Variants in PLS3 observed in about 807,000 individuals in gnomAD.
PLS3 encodes plastin 3, also known as plastin-3.
Under a neutral mutation model 46.5 loss-of-function variants are expected in PLS3, and 11 were observed. The observed-to-expected ratio is 0.24, with a 90% CI of 0.15 to 0.39. The LOEUF is 0.39. PLS3 is among the 10% of genes least tolerant of loss of function. The probability of loss-of-function intolerance (pLI) is 1.00; values close to 1 mark genes in which losing one functional copy is unlikely to be tolerated. For missense variants in PLS3, 308 were observed against 461.8 expected, an observed-to-expected ratio of 0.67 and a Z score of 3.05; for synonymous variants, 167 against 162.2, an observed-to-expected ratio of 1.03 and a Z score of -0.22.
chrX:115,629,343 G>A lies in PLS3; in HGVS notation c.367+16G>A. 6 of 1,187,764 alleles carry A rather than the reference G, an allele frequency of 5.1e-6. No individual in the cohort carries two copies. The highest frequency in any genetic ancestry group is 6.8e-6 in the Non-Finnish European group (6 of 878,427). Reference sequence around the variant, plus strand: ...TCTTACTCAGGTAATCATTTTATATGCAATAGGTTAACACAATGTGCTAAG... The same window carrying A: ...TCTTACTCAGGTAATCATTTTATATACAATAGGTTAACACAATGTGCTAAG... On this transcript the variant is annotated intron_variant, in intron 4 of 15. Transcript: ENST00000355899.
At chrX:115,622,092 G>T in intron 2 of PLS3, 154 bp from the exon 3 acceptor site, 1 of 446,880 alleles carries the variant, frequency 2.2e-6, no homozygotes, top group Non-Finnish European at 3.8e-6. Context: ...CCATTTAAAT[G>T]TCCATTTCCC....
At chrX:115,608,588 C>T (rs1183993653) in intron 1 of PLS3, among the ~76,000 whole-genome samples, 2 of 111,827 alleles carry the variant, frequency 1.8e-5, no homozygotes, top group African/African-American at 3.3e-5. Flanking sequence ...AATGACTGAT[C>T]GAATGTATGA....
At chrX:115,597,961 G>C (rs1214286934) in intron 1 of PLS3, among the ~76,000 whole-genome samples, 3 of 111,191 alleles carry the variant, frequency 2.7e-5, no homozygotes, top group Non-Finnish European at 5.6e-5. Context: ...TGCTATACGT[G>C]GTGATTATTT....
At chrX:115,601,780 G>A (rs1226783689) in intron 1 of PLS3, among the ~76,000 whole-genome samples, 3 of 111,499 alleles carry the variant, frequency 2.7e-5, no homozygotes, top group Non-Finnish European at 5.7e-5. Flanking sequence ...TGTTTTTTAT[G>A]GTCAAACTGC....
At chrX:115,586,228 AC>A (rs1378695777) in intron 1 of PLS3, among the ~76,000 whole-genome samples, 3 of 106,796 alleles carry the variant, frequency 2.8e-5, no homozygotes, top group African/African-American at 1.0e-4. Context: ...CAGGTGATCC[AC>A]CTGCCTCGGC....
intron 5 of PLS3, among the ~76,000 whole-genome samples, chrX:115,632,151 G>A (rs942464196): frequency 2.8e-4 from 31 of 111,131 alleles, no homozygotes; most frequent in African/African-American, 1.0e-3. Context: ...TCCCTCTCTG[G>A]GGACTCACCC....
intron 1 of PLS3, among the ~76,000 whole-genome samples, chrX:115,598,816 A>G (rs2074413720): frequency 8.9e-6 from 1 of 111,946 alleles, no homozygotes; most frequent in Non-Finnish European, 1.9e-5. Context: ...AGGAGAAAGT[A>G]AGCGTTTGTG....
intron 1 of PLS3, among the ~76,000 whole-genome samples, chrX:115,577,995 C>T (rs2147425564): frequency 8.9e-6 from 1 of 111,942 alleles, no homozygotes; most frequent in African/African-American, 3.2e-5. Flanking sequence ...CTTTATGAAG[C>T]TTACATCCTA....
intron 2 of PLS3, among the ~76,000 whole-genome samples, chrX:115,613,387 G>A (rs1260689181): frequency 9.0e-6 from 1 of 111,038 alleles, no homozygotes; most frequent in East Asian, 2.8e-4. Flanking sequence ...CTTGATATTC[G>A]CTAGTATATA....
intron 1 of PLS3, among the ~76,000 whole-genome samples, chrX:115,583,207 A>G (rs1556632024): frequency 3.6e-5 from 4 of 112,542 alleles, no homozygotes; most frequent in African/African-American, 1.3e-4. Context: ...AGGACAGTCT[A>G]CTTGTCTGAA....
rs782520465 is a variant in PLS3, at chrX:115,647,996, A to C, written c.1739A>C (p.Asp580Ala). 4.2e-6 allele frequency: 5 copies of C among 1,202,407 alleles called. No homozygotes were observed. The highest frequency in any genetic ancestry group is 1.8e-5 in the South Asian group (1 of 56,638). The change falls in exon 15 of 16, where the codon GAT (aspartate) becomes GCT (alanine). Residue 580 changes from aspartate (D) to alanine (A), a missense_variant. By Grantham distance (126) the Asp-to-Ala change is moderately radical (BLOSUM62 -2). Around this residue, in one of 2 missense-constraint regions of PLS3, gnomAD observed 271 missense variants for 435.7 expected, o/e 0.62. Coordinates refer to ENST00000355899, the MANE Select transcript of PLS3 (RefSeq NM_005032.7). ...GTGAAGAGTGGCAATCTAACAGAAG[A>C]TGACAAGCACAATAATGCCAAGTAA... ...DLVKSGNLTE[D>A]DKHNNAKYAV...
chrX:115,637,940 TTGTTGTTGTTGC>T (rs782649773), intron 8 of PLS3, among the ~76,000 whole-genome samples: 2 of 111,087 alleles, frequency 1.8e-5, no homozygotes, highest in Non-Finnish European at 3.8e-5. Context: ...TTGGCCAGGT[TTGTTGTTGTTGC>T]TGTTGTTGTT....
At chrX:115,635,116 T>C in intron 7 of PLS3, 70 bp downstream of exon 7, 1 of 906,870 alleles carries the variant, frequency 1.1e-6, no homozygotes, top group African/African-American at 1.9e-5. Context: ...ACTTTCGTGC[T>C]CTCACTTAAT....
At chrX:115,580,449 C>T (rs2074273631) in intron 1 of PLS3, among the ~76,000 whole-genome samples, 1 of 112,283 alleles carries the variant, frequency 8.9e-6, no homozygotes, top group Non-Finnish European at 1.9e-5. Context: ...TGGTTTTTTG[C>T]ACCCTTGTGA....
intron 9 of PLS3, among the ~76,000 whole-genome samples, chrX:115,642,535 C>T (rs2074909071): frequency 9.0e-6 from 1 of 111,329 alleles, no homozygotes; most frequent in African/African-American, 3.3e-5. Context: ...CAGTGCCCTC[C>T]TTTCTAGTTC....
At chrX:115,572,692 G>T (rs1556630821) in intron 1 of PLS3, among the ~76,000 whole-genome samples, 3 of 111,691 alleles carry the variant, frequency 2.7e-5, no homozygotes, top group African/African-American at 9.8e-5. Context: ...CAGACTGTTA[G>T]GTGCTAGGGC....
At chrX:115,612,446 A>G (rs782625572) in intron 2 of PLS3, among the ~76,000 whole-genome samples, 7 of 111,646 alleles carry the variant, frequency 6.3e-5, no homozygotes, top group Non-Finnish European at 1.3e-4. Flanking sequence ...AAGGTGTTAT[A>G]GAATTTTTTT....
At chrX:115,602,604 C>T (rs1389057147) in intron 1 of PLS3, among the ~76,000 whole-genome samples, 1 of 111,092 alleles carries the variant, frequency 9.0e-6, no homozygotes, top group African/African-American at 3.3e-5. Context: ...TGACAACACC[C>T]CTTTTCTGAT....
chrX:115,637,181 T>TATGCTAATTTATCATATTATA (rs1255966870), intron 8 of PLS3, among the ~76,000 whole-genome samples: 2 of 111,900 alleles, frequency 1.8e-5, no homozygotes, highest in African/African-American at 6.5e-5. Context: ...GTAAAAATAT[T>TATGCTAATTTATCATATTATA]ATGCTAATTT....
Sources: gnomAD v4.1 joint callset for allele counts (sites outside exome capture counted in the v4.1 genomes callset) on GRCh38, gnomAD v4.1.1 for gene constraint, gnomAD v4.1.1 regional missense constraint, MANE v1.5 for transcripts, NCBI Gene and HGNC (gene_info 2026-07-23, HGNC 2026-07-21) for gene names.